SMARCA2: variants seen among roughly 807,000 people sequenced by gnomAD.
The protein encoded by SMARCA2 is SWI/SNF-related matrix-associated actin-dependent regulator of chromatin subfamily A member 2.
Under a neutral mutation model 199.8 loss-of-function variants are expected in SMARCA2, and 61 were observed. That is an observed-to-expected ratio of 0.31 (90% CI 0.25 to 0.38). The LOEUF (loss-of-function observed/expected upper bound fraction) is 0.38. SMARCA2 is among the 10% of genes least tolerant of loss of function. The probability of loss-of-function intolerance (pLI) is 1.00; values close to 1 mark genes in which losing one functional copy is unlikely to be tolerated. For synonymous variants in SMARCA2, 935 were observed against 732.0 expected (o/e 1.28, Z -4.48); for missense variants, 1,344 against 2,012.2 (o/e 0.67, Z 6.35).
At chr9:2,182,650 A>G (rs1827132615) in intron 31 of SMARCA2, among the ~76,000 whole-genome samples, 1 of 150,874 alleles carries the variant, frequency 6.6e-6, no homozygotes, top group Non-Finnish European at 1.5e-5. Flanking sequence ...ACCCACCACC[A>G]TGCCTGGCTG....
Position 2,116,153 on chromosome 9 carries a change from A to C in SMARCA2, c.3684+104A>C, listed in dbSNP as rs7048082. On this transcript the variant is annotated intron_variant, in intron 25 of 33. Transcript: ENST00000349721. ...TAAAAAACTTCCTGGGCTGGCGTTA[A>C]TGAAAATGAAGAAATAAACTGCTGT... 8.0e-3 allele frequency: 6,658 copies of C among 831,748 alleles called. 298 individuals are homozygous for C. In the African/African-American group the frequency reaches 0.1, roughly 12 times the overall value. The allele number at this position is 831,748 out of a possible 1,614,324, so 51.5% of individuals were successfully genotyped here. A position where few individuals can be genotyped will look rare whatever the true frequency, so the allele number is the denominator to read the frequency against.
intron 29 of SMARCA2, among the ~76,000 whole-genome samples, chr9:2,178,725 AT>A (rs200474480): frequency 5.9e-5 from 9 of 151,464 alleles, no homozygotes; most frequent in Admixed American, 1.3e-4. Context: ...TGTTTGTTTA[AT>A]TTTTTTTTAA....
chr9:2,133,712 A>ATTAATTTTCTTAATAAAGAAATGTAATTC (rs1824066314), intron 27 of SMARCA2, among the ~76,000 whole-genome samples: 1 of 151,670 alleles, frequency 6.6e-6, no homozygotes, highest in African/African-American at 2.4e-5. Context: ...AAATGTAATT[A>ATTAATTTTCTTAATAAAGAAATGTAATTC]TTCATTAAGA....
rs1818384831 is a variant in SMARCA2 at position 2,017,068 on chromosome 9, GC to G, written c.-37+1666del. The G allele has an allele frequency of 6.6e-6, 1 of 152,218 alleles. No individual in the cohort carries two copies. Among genetic ancestry groups the G allele is most frequent in the Admixed American group, 6.5e-5 (1 of 15,290 alleles). 9.4% of individuals were successfully genotyped at this position (152,218 alleles called of 1,614,324 possible). A position where few individuals can be genotyped will look rare whatever the true frequency, so the allele number is the denominator to read the frequency against. On this transcript the variant is annotated intron_variant, in intron 1 of 33. Coordinates refer to ENST00000349721, the MANE Select transcript of SMARCA2 (RefSeq NM_003070.5). The surrounding 1 kb of genome is among the most constrained non-coding windows in gnomAD (Gnocchi z 8.8). The stretch of plus-strand genomic sequence containing the variant: ...GGCTCCGGCGGACACCCGCGCCTTG[GC>G]CGGGGCACTTGGGCCGGTTTCCGGT...
chr9:2,134,109 G>T (rs1022292189), intron 27 of SMARCA2, among the ~76,000 whole-genome samples: 6 of 152,148 alleles, frequency 3.9e-5, no homozygotes, highest in African/African-American at 1.4e-4. Context: ...CAATTATTTC[G>T]AAGAAGACCT....
rs1329173879 is a variant in SMARCA2 at position 2,169,980 on chromosome 9, A to G, written c.4200-439A>G. Reference sequence around the variant, plus strand: ...CCTTCTTTGTGCAGGCTACTGTAAGAAAGCACTTTATCCTATTTAATTTTT... The same window carrying G: ...CCTTCTTTGTGCAGGCTACTGTAAGGAAGCACTTTATCCTATTTAATTTTT... On this transcript the variant is annotated intron_variant, in intron 28 of 33. Coordinates refer to ENST00000349721, the MANE Select transcript of SMARCA2 (RefSeq NM_003070.5). The surrounding 1 kb of genome is among the most constrained non-coding windows in gnomAD (Gnocchi z 6.5). Among the ~76,000 whole-genome samples the G allele has an allele frequency of 6.6e-6, 1 of 152,180 alleles. No homozygotes were observed. The highest frequency in any genetic ancestry group is 1.5e-5 in the Non-Finnish European group (1 of 68,036).
chr9:2,150,629 C>T (rs1173027008), intron 27 of SMARCA2, among the ~76,000 whole-genome samples: 2 of 151,602 alleles, frequency 1.3e-5, no homozygotes, highest in Admixed American at 1.3e-4. Flanking sequence ...TACACATTCC[C>T]ATCACTGGAT....
At chr9:2,174,924 C>CCA (rs1826463544) in intron 29 of SMARCA2, among the ~76,000 whole-genome samples, 1 of 62,320 alleles carries the variant, frequency 1.6e-5, no homozygotes, top group African/African-American at 7.2e-5. Flanking sequence ...GACCCTCTCT[C>CCA]AAAAAAAAAA....
At chr9:2,048,048 A>T (rs549852254) in intron 5 of SMARCA2, 3 of 152,252 alleles carry the variant, frequency 2.0e-5, no homozygotes, top group Non-Finnish European at 2.9e-5. Flanking sequence ...CAGATAGTCA[A>T]TGTTTTATGC....
intron 27 of SMARCA2, among the ~76,000 whole-genome samples, chr9:2,127,957 C>T (rs1050593513): frequency 6.6e-5 from 9 of 135,662 alleles, no homozygotes; most frequent in African/African-American, 3.0e-4. Flanking sequence ...ATTTCAAACA[C>T]AGTTCAGTTT....
chr9:2,180,360 A>T (rs998760157), intron 29 of SMARCA2, among the ~76,000 whole-genome samples: 2 of 152,194 alleles, frequency 1.3e-5, no homozygotes, highest in African/African-American at 4.8e-5. Flanking sequence ...ACTGGTTGCT[A>T]AGCAACTGTT....
chr9:2,039,918 C>G lies in SMARCA2; in HGVS notation c.790+18C>G. On this transcript the variant is annotated intron_variant, in intron 4 of 33. Transcript: ENST00000349721. The surrounding 1 kb of genome is among the most constrained non-coding windows in gnomAD (Gnocchi z 4.8). ...ACCATCTGGTAGGTTAATACGCAAC[C>G]AAATGAATAATGCCATGGTCCAACT... 1 of 1,611,544 alleles carries G rather than the reference C, an allele frequency of 6.2e-7. No homozygotes were observed. Among genetic ancestry groups the G allele is most frequent in the Non-Finnish European group, 8.5e-7 (1 of 1,178,844 alleles).
At chr9:2,022,199 A>G (rs1345589975) in intron 1 of SMARCA2, 2 of 152,244 alleles carry the variant, frequency 1.3e-5, no homozygotes, top group Non-Finnish European at 2.9e-5. Flanking sequence ...GAACAAAGCA[A>G]TATTTTAGAT....
At chr9:2,182,510 T>C (rs973619213) in intron 31 of SMARCA2, among the ~76,000 whole-genome samples, 1 of 140,492 alleles carries the variant, frequency 7.1e-6, no homozygotes, top group African/African-American at 2.8e-5. Context: ...TTTTTTCCTT[T>C]TTTGAGGCAG....
chr9:2,098,802 C>G (rs1454831213), intron 21 of SMARCA2, among the ~76,000 whole-genome samples: 3 of 152,176 alleles, frequency 2.0e-5, no homozygotes, highest in East Asian at 1.9e-4. Flanking sequence ...CAAAAATTAG[C>G]TGGGTGTCGT....
At chr9:2,189,963 A>C (rs1228155636) in intron 32 of SMARCA2, among the ~76,000 whole-genome samples, 1 of 152,326 alleles carries the variant, frequency 6.6e-6, no homozygotes, top group African/African-American at 2.4e-5. Context: ...ATCTATTTCT[A>C]GATGCCTTGA....
intron 1 of SMARCA2, among the ~76,000 whole-genome samples, chr9:2,024,692 G>A (rs1818751125): frequency 6.6e-6 from 1 of 152,092 alleles, no homozygotes; most frequent in South Asian, 2.1e-4. Context: ...GCTCTGGCCT[G>A]GTGAAAACTC....
intron 27 of SMARCA2, among the ~76,000 whole-genome samples, chr9:2,150,455 C>T (rs1016318694): frequency 4.0e-5 from 6 of 151,630 alleles, no homozygotes; most frequent in Admixed American, 1.3e-4. Context: ...GGACAGATAG[C>T]AGCTGCCTGA....
chr9:2,133,337 C>T (rs1824046055), intron 27 of SMARCA2, among the ~76,000 whole-genome samples: 1 of 152,144 alleles, frequency 6.6e-6, no homozygotes, highest in Non-Finnish European at 1.5e-5. Context: ...GACAGGGTCT[C>T]ACTCTGTCAC....
Sources: gnomAD v4.1 joint callset for allele counts (sites outside exome capture counted in the v4.1 genomes callset) on GRCh38, gnomAD v4.1.1 for gene constraint, Gnocchi (gnomAD v3.1) non-coding constraint, MANE v1.5 for transcripts, NCBI Gene and HGNC (gene_info 2026-07-23, HGNC 2026-07-21) for gene names.